Variants in GGA1 observed in about 807,000 individuals in gnomAD.
The protein encoded by GGA1 is ADP-ribosylation factor-binding protein GGA1.
Under a neutral mutation model 76.9 loss-of-function variants are expected in GGA1, and 18 were observed. That is an observed-to-expected ratio of 0.23 (90% CI 0.16 to 0.35). The LOEUF (loss-of-function observed/expected upper bound fraction) is 0.35, where lower values mean the gene tolerates loss of function less well. GGA1 is among the 10% of genes least tolerant of loss of function. GGA1 has a pLI of 1.00. For missense variants in GGA1, 755 were observed against 859.0 expected, an observed-to-expected ratio of 0.88 and a Z score of 1.51; for synonymous variants, 342 against 354.7, an observed-to-expected ratio of 0.96 and a Z score of 0.40.
intron 1 of GGA1, among the ~76,000 whole-genome samples, chr22:37,611,465 A>G (rs1292259505): frequency 6.6e-6 from 1 of 152,194 alleles, no homozygotes; most frequent in East Asian, 1.9e-4. Context: ...GGGTTTGTTA[A>G]TCTGAGTATT....
chr22:37,616,306 C>T (rs989049605), intron 2 of GGA1, among the ~76,000 whole-genome samples: 4 of 152,180 alleles, frequency 2.6e-5, no homozygotes, highest in South Asian at 4.1e-4. Flanking sequence ...AGTTTCTTCA[C>T]AGTTGAAGGA....
In GGA1 at chr22:37,620,695, G is replaced by C. The variant is rs551204181; in HGVS notation, c.428-118G>C. 4.1e-6 allele frequency: 3 copies of C among 738,670 alleles called. No individual in the cohort carries two copies. In the African/African-American group the frequency reaches 5.1e-5, roughly 13 times the overall value. 45.8% of individuals were successfully genotyped at this position (738,670 alleles called of 1,614,324 possible). A position where few individuals can be genotyped will look rare whatever the true frequency, so the allele number is the denominator to read the frequency against. On this transcript the variant is annotated intron_variant, in intron 5 of 16. Coordinates refer to ENST00000343632, the MANE Select transcript of GGA1 (RefSeq NM_013365.5). Reference sequence around the variant, plus strand: ...GCCACTAAGAGTCCAGAGCCAGCGTGCTGGCAAAAGACTGACCTCCCTCTT... The same window carrying C: ...GCCACTAAGAGTCCAGAGCCAGCGTCCTGGCAAAAGACTGACCTCCCTCTT...
chr22:37,616,838 G>C, intron 2 of GGA1, 84 bp from the exon 3 acceptor site: 1 of 1,435,910 alleles, frequency 7.0e-7, no homozygotes, highest in Non-Finnish European at 9.1e-7. Flanking sequence ...GAGGAGGGCT[G>C]CAGTCCCAGC....
At chr22:37,631,821 CGCTCTGT>C in intron 14 of GGA1, among the ~76,000 whole-genome samples, 168 bp from the exon 15 acceptor site, 1 of 152,172 alleles carries the variant, frequency 6.6e-6, no homozygotes, top group Non-Finnish European at 1.5e-5. Flanking sequence ...CTCTGGGCAC[CGCTCTGT>C]GCCCCTGCCT....
chr22:37,614,088 C>G (rs575694348), intron 1 of GGA1, 102 bp from the exon 2 acceptor site: 1 of 816,078 alleles, frequency 1.2e-6, no homozygotes, highest in East Asian at 2.5e-5. Flanking sequence ...CGTGCTCAGT[C>G]ACACTCCTCT....
In GGA1 at chr22:37,630,025, C is replaced by G. The variant is rs148880676; in HGVS notation, c.1186C>G (p.Pro396Ala). Reference protein sequence around the residue: ...QSSDATEPPAPALAQAPSMES... With the variant: ...QSSDATEPPAAALAQAPSMES... The stretch of plus-strand genomic sequence containing the variant: ...GTCGGATGCCACTGAGCCCCCAGCC[C>G]CTGCTCTGGCCCAGGCCCCCAGTAT... The change falls in exon 13 of 17, where the codon CCT becomes GCT. Residue 396 changes from proline to alanine, a missense_variant. By Grantham distance (27) the Pro-to-Ala change is conservative. Coordinates refer to ENST00000343632, the MANE Select transcript of GGA1 (RefSeq NM_013365.5). 3 of 1,585,726 alleles carry G rather than the reference C, an allele frequency of 1.9e-6. No individual in the cohort carries two copies. In the African/African-American group the frequency reaches 4.1e-5, roughly 22 times the overall value.
Position 37,614,260 on chromosome 22 carries a change from C to G in GGA1, c.114C>G (p.Asn38Lys). 2 of 1,613,066 alleles carry G rather than the reference C, an allele frequency of 1.2e-6. No homozygotes were observed. The highest frequency in any genetic ancestry group is 1.7e-6 in the Non-Finnish European group (2 of 1,179,130). Residue 38 changes from asparagine to lysine, a missense_variant, in exon 2 of 17, where the codon AAC (asparagine) becomes AAG (lysine). Coordinates refer to ENST00000343632, the MANE Select transcript of GGA1 (RefSeq NM_013365.5). ...TCAACGGCTTCTGCGAGCAGCTCAA[C>G]GAGGACTTTGAGGGGTAGGTGGCCG... The part of the protein sequence containing the change: ...ASINGFCEQL[N>K]EDFEGPPLAT...
Position 37,632,240 on chromosome 22 carries a change from C to T in GGA1, c.1698+75C>T. The T allele has an allele frequency of 6.9e-7, 1 of 1,459,432 alleles. No individual in the cohort carries two copies. The highest frequency in any genetic ancestry group is 2.3e-5 in the East Asian group (1 of 43,654). The allele number at this position is 1,459,432 out of a possible 1,614,324, so 90.4% of individuals were successfully genotyped here. On this transcript the variant is annotated intron_variant, in intron 15 of 16. Transcript: ENST00000343632. The surrounding 1 kb of genome is among the most constrained non-coding windows in gnomAD (Gnocchi z 5.1). Reference sequence around the variant, plus strand: ...GACATGGAGCTGGGTGGGGAGCCACCTGTCAGGGGGCAGGTCTCCCTCCCT... The same window carrying T: ...GACATGGAGCTGGGTGGGGAGCCACTTGTCAGGGGGCAGGTCTCCCTCCCT...
At position 37,616,948 on chromosome 22, in the gene GGA1, C is replaced by T; in HGVS notation, c.155C>T (p.Ala52Val). Reference sequence around the variant, plus strand: ...CCTCCACTCGCCACCCGGCTGCTGGCCCACAAGATCCAGTCCCCACAGGAG... The same window carrying T: ...CCTCCACTCGCCACCCGGCTGCTGGTCCACAAGATCCAGTCCCCACAGGAG... ...EGPPLATRLL[A>V]HKIQSPQEWE... The change falls in exon 3 of 17, where the codon GCC becomes GTC. Residue 52 changes from alanine (A) to valine (V), a missense_variant. By Grantham distance (64) the Ala-to-Val change is moderately conservative. Transcript: ENST00000343632. The T allele has an allele frequency of 6.2e-7, 1 of 1,608,350 alleles. No homozygotes were observed. Among genetic ancestry groups the T allele is most frequent in the Non-Finnish European group, 8.5e-7 (1 of 1,177,574 alleles).
In GGA1 at chr22:37,625,192, C is replaced by A; in HGVS notation, c.940+116C>A. ...GAATGACTGCCAGGGTGACCCTGGCCCCTTAAGATGGGGAAGGCCCCAGGG... is the reference window on the plus strand; with the variant it reads ...GAATGACTGCCAGGGTGACCCTGGCACCTTAAGATGGGGAAGGCCCCAGGG... On this transcript the variant is annotated intron_variant, in intron 10 of 16. Transcript: ENST00000343632. The surrounding 1 kb of genome is among the most constrained non-coding windows in gnomAD (Gnocchi z 4.1). The A allele has an allele frequency of 2.2e-6, 2 of 918,832 alleles. No homozygotes were observed. Among genetic ancestry groups the A allele is most frequent in the South Asian group, 1.6e-5 (1 of 63,638 alleles). The allele number at this position is 918,832 out of a possible 1,614,324, so 56.9% of individuals were successfully genotyped here. A position where few individuals can be genotyped will look rare whatever the true frequency, so the allele number is the denominator to read the frequency against.
At chr22:37,615,747 T>C (rs1928654449) in intron 2 of GGA1, among the ~76,000 whole-genome samples, 1 of 152,110 alleles carries the variant, frequency 6.6e-6, no homozygotes, top group Non-Finnish European at 1.5e-5. Flanking sequence ...ATGGTGACGG[T>C]GAGACTCCAT....
At chr22:37,626,023 G>T in intron 11 of GGA1, 74 bp downstream of exon 11, 2 of 1,267,296 alleles carry the variant, frequency 1.6e-6, no homozygotes, top group South Asian at 1.6e-5. Context: ...CCCACTCACA[G>T]CTAGCGGAAC....
intron 6 of GGA1, 41 bp from the exon 7 acceptor site, chr22:37,621,575 C>T: frequency 2.2e-6 from 3 of 1,352,004 alleles, no homozygotes; most frequent in Non-Finnish European, 3.1e-6. Context: ...GACCCCTGGC[C>T]CAGGTGCTGC....
intron 7 of GGA1, among the ~76,000 whole-genome samples, chr22:37,622,113 C>CT (rs1193529401): frequency 6.6e-6 from 1 of 152,026 alleles, no homozygotes; most frequent in Non-Finnish European, 1.5e-5. Flanking sequence ...AGGACTCACT[C>CT]TCTAGCCCAA....
chr22:37,626,796 TC>T (rs2145974958), intron 11 of GGA1: 1 of 152,394 alleles, frequency 6.6e-6, no homozygotes, highest in African/African-American at 2.4e-5. Flanking sequence ...ACTACTGCAC[TC>T]TGTCCTGTCT....
intron 13 of GGA1, chr22:37,630,376 A>AG: frequency 3.7e-6 from 2 of 546,144 alleles, no homozygotes; most frequent in Non-Finnish European, 6.4e-6. Context: ...GCCTCCCCCC[A>AG]GGTGTTCCCA....
At position 37,623,237 on chromosome 22, in the gene GGA1, A is replaced by G; in HGVS notation, c.610-90A>G. 7.9e-7 allele frequency: 1 copy of G among 1,264,448 alleles called. No individual in the cohort carries two copies. Among genetic ancestry groups the G allele is most frequent in the Non-Finnish European group, 1.2e-6 (1 of 867,602 alleles). 78.3% of individuals were successfully genotyped at this position (1,264,448 alleles called of 1,614,324 possible). ...CCCACAGTCACCCAGCTGTCAACCC[A>G]GATCCCAGCACACATTCTCTCAAGT... On this transcript the variant is annotated intron_variant, in intron 7 of 16. Coordinates refer to ENST00000343632, the MANE Select transcript of GGA1 (RefSeq NM_013365.5). This position sits in a 1 kb window ranked among gnomAD's most constrained non-coding sequence, Gnocchi z 4.6.
chr22:37,630,437 G>A (rs955292033), intron 13 of GGA1: 6 of 514,800 alleles, frequency 1.2e-5, no homozygotes, highest in East Asian at 7.2e-5. Context: ...ACACTGGGCT[G>A]GAGTGAATAG....
rs145230869 is a variant in GGA1, at chr22:37,609,252, G to T, written c.43+349G>T. 3.3e-4 allele frequency: 383 copies of T among 1,170,740 alleles called. 1 individual carries two copies. The African/African-American group carries it at 6.1e-3, about 19-fold the overall frequency. 72.5% of individuals were successfully genotyped at this position (1,170,740 alleles called of 1,614,324 possible). A position where few individuals can be genotyped will look rare whatever the true frequency, so the allele number is the denominator to read the frequency against. On this transcript the variant is annotated intron_variant, in intron 1 of 16. Coordinates refer to ENST00000343632, the MANE Select transcript of GGA1 (RefSeq NM_013365.5). ...GTAGCGGCCCGGGGAAGGAGCACGCGAGCGGTTCCCCGGGGTTGCATCTCA... is the reference window on the plus strand; with the variant it reads ...GTAGCGGCCCGGGGAAGGAGCACGCTAGCGGTTCCCCGGGGTTGCATCTCA...
Sources: gnomAD v4.1 joint callset for allele counts (sites outside exome capture counted in the v4.1 genomes callset) on GRCh38, gnomAD v4.1.1 for gene constraint, Gnocchi (gnomAD v3.1) non-coding constraint, MANE v1.5 for transcripts, NCBI Gene and HGNC (gene_info 2026-07-23, HGNC 2026-07-21) for gene names.